The following DSCAML1 variants were observed in gnomAD, a reference collection of about 807,000 sequenced individuals.
DSCAML1 encodes DS cell adhesion molecule like 1.
A neutral mutation model predicts 200.5 loss-of-function variants in DSCAML1; 38 were observed. The observed-to-expected ratio is 0.19, with a 90% CI of 0.15 to 0.25. The LOEUF (loss-of-function observed/expected upper bound fraction) is 0.25, where lower values mean the gene tolerates loss of function less well. Among genes scored for constraint, DSCAML1 ranks in the 10% least tolerant of loss-of-function variants. The probability of loss-of-function intolerance (pLI) is 1.00; values close to 1 mark genes in which losing one functional copy is unlikely to be tolerated. For synonymous variants in DSCAML1, 1,215 were observed against 1,165.0 expected, an observed-to-expected ratio of 1.04 and a Z score of -0.87; for missense variants, 2,223 against 2,858.8, an observed-to-expected ratio of 0.78 and a Z score of 5.07.
chr11:117,507,177 G>T (rs1433028964), intron 8 of DSCAML1, among the ~76,000 whole-genome samples: 1 of 150,090 alleles, frequency 6.7e-6, no homozygotes, highest in Non-Finnish European at 1.5e-5. Flanking sequence ...GAAGGAGATA[G>T]ACAATTAGCT....
chr11:117,764,449 T>G (rs1347999380), intron 3 of DSCAML1, among the ~76,000 whole-genome samples: 1 of 152,168 alleles, frequency 6.6e-6, no homozygotes, highest in Non-Finnish European at 1.5e-5. Context: ...TCCCTTGAGA[T>G]CCTCAAGCAG....
intron 20 of DSCAML1, among the ~76,000 whole-genome samples, chr11:117,448,352 G>A (rs2048220335): frequency 6.6e-6 from 1 of 152,154 alleles, no homozygotes; most frequent in Non-Finnish European, 1.5e-5. Flanking sequence ...TTCATTCTTC[G>A]AATGTGTATT....
chr11:117,730,125 G>A (rs936936118), intron 3 of DSCAML1, among the ~76,000 whole-genome samples: 1 of 152,148 alleles, frequency 6.6e-6, no homozygotes, highest in African/African-American at 2.4e-5. Flanking sequence ...TTTGAACCCA[G>A]GAGGCAGAGG....
chr11:117,647,741 G>A (rs2052545987), intron 3 of DSCAML1, among the ~76,000 whole-genome samples: 1 of 152,186 alleles, frequency 6.6e-6, no homozygotes, highest in Non-Finnish European at 1.5e-5. Flanking sequence ...ACAACACAAA[G>A]AGAAGATACA....
intron 1 of DSCAML1, 79 bp downstream of exon 1, chr11:117,796,955 C>G: frequency 8.9e-7 from 1 of 1,118,630 alleles, no homozygotes; most frequent in Non-Finnish European, 1.1e-6. Context: ...CTGGAGCCCG[C>G]CGGGCACCCC....
At chr11:117,468,430 T>C (rs1468572255) in intron 16 of DSCAML1, among the ~76,000 whole-genome samples, 1 of 152,226 alleles carries the variant, frequency 6.6e-6, no homozygotes, top group Non-Finnish European at 1.5e-5. Context: ...AATCTGATTC[T>C]AAATTTTTAT....
chr11:117,504,782 C>T lies in DSCAML1; in HGVS notation c.2182+142G>A, dbSNP rs2137276518. The T allele has an allele frequency of 8.3e-7, 1 of 1,209,694 alleles. No homozygotes were observed. The highest frequency in any genetic ancestry group is 1.1e-6 in the Non-Finnish European group (1 of 923,448). 74.9% of individuals were successfully genotyped at this position (1,209,694 alleles called of 1,614,324 possible). On this transcript the variant is annotated intron_variant, in intron 10 of 32. Transcript: ENST00000651296. This position sits in a 1 kb window ranked among gnomAD's most constrained non-coding sequence, Gnocchi z 5.0. ...AGGATGACTCCAGGTGAGGTGTAGC[C>T]TGGGGTCCACTGGGGTGCAGACCAG...
In DSCAML1 at chr11:117,780,944, A is replaced by G; in HGVS notation, c.47-134T>C. On this transcript the variant is annotated intron_variant, in intron 1 of 32. Transcript: ENST00000651296. The surrounding 1 kb of genome is among the most constrained non-coding windows in gnomAD (Gnocchi z 4.8). ...TCAGTCATTCAGTATGCACTTATTG[A>G]GCACTGACTATACACCAGGCACTGG... 1 of 620,152 alleles carries G rather than the reference A, an allele frequency of 1.6e-6. No homozygotes were observed. Among genetic ancestry groups the G allele is most frequent in the South Asian group, 4.3e-5 (1 of 23,466 alleles). The allele number at this position is 620,152 out of a possible 1,614,324, so 38.4% of individuals were successfully genotyped here.
chr11:117,434,389 T>C lies in DSCAML1; in HGVS notation c.4877-918A>G, dbSNP rs116315125. Among the ~76,000 whole-genome samples, 1,133 of 152,278 alleles carry C rather than the reference T, an allele frequency of 7.4e-3. 7 individuals carry two copies. The highest frequency in any genetic ancestry group is 0.026 in the African/African-American group (1,093 of 41,544). ...AACATCCATTCAATCATTCTTATATTTATATGTTAAACCTTACATCCAACC... is the reference window on the plus strand; with the variant it reads ...AACATCCATTCAATCATTCTTATATCTATATGTTAAACCTTACATCCAACC... On this transcript the variant is annotated intron_variant, in intron 27 of 32. Transcript: ENST00000651296.
At chr11:117,814,427 C>T (rs1337864306) in intron 1 of DSCAML1, among the ~76,000 whole-genome samples, 3 of 152,234 alleles carry the variant, frequency 2.0e-5, no homozygotes, top group Admixed American at 6.5e-5. Flanking sequence ...GAAGGGATCA[C>T]GCACACCTCT....
At chr11:117,528,935 C>A (rs916420179) in intron 4 of DSCAML1, among the ~76,000 whole-genome samples, 4 of 151,112 alleles carry the variant, frequency 2.6e-5, no homozygotes, top group African/African-American at 7.3e-5. Flanking sequence ...GCCCCCCGCC[C>A]CCCCCCTTGG....
chr11:117,776,849 T>C lies in DSCAML1; in HGVS notation c.453A>G (p.Ser151=), dbSNP rs368237657. The C allele has an allele frequency of 1.9e-6, 3 of 1,614,164 alleles. No individual in the cohort carries two copies. The highest frequency in any genetic ancestry group is 2.7e-5 in the African/African-American group (2 of 75,044). Residue 151 remains serine, a synonymous_variant, in exon 3 of 33, where the codon TCA becomes TCG. Transcript: ENST00000651296. ...ATACAACGCTAACATATTCCTGCAC[T>C]GAAGAGGGGATGAGGCACTTGAAGA... ...VAVFKCLIPS[S]VQEYVSVVSW...
upstream of DSCAML1, among the ~76,000 whole-genome samples, chr11:117,798,329 T>G (rs894910728): frequency 6.6e-6 from 1 of 152,128 alleles, no homozygotes; most frequent in African/African-American, 2.4e-5. Flanking sequence ...GGAAGAAAAT[T>G]TACTTCCTCG....
At chr11:117,720,713 C>A (rs2054028700) in intron 3 of DSCAML1, among the ~76,000 whole-genome samples, 1 of 152,206 alleles carries the variant, frequency 6.6e-6, no homozygotes, top group South Asian at 2.1e-4. Flanking sequence ...ATTCCAGTTT[C>A]CTCATCTGTA....
chr11:117,615,643 G>A (rs925797199), intron 3 of DSCAML1, among the ~76,000 whole-genome samples: 2 of 152,076 alleles, frequency 1.3e-5, no homozygotes, highest in African/African-American at 4.8e-5. Flanking sequence ...ATGGCCGGTT[G>A]TACCAGATTG....
At chr11:117,814,880 G>A (rs887473557) in intron 1 of DSCAML1, among the ~76,000 whole-genome samples, 3 of 152,226 alleles carry the variant, frequency 2.0e-5, no homozygotes, top group Non-Finnish European at 1.5e-5. Flanking sequence ...TGTGTTGGGA[G>A]CATATGGTCC....
chr11:117,796,708 G>C (rs982049190), intron 1 of DSCAML1, among the ~76,000 whole-genome samples: 2 of 152,348 alleles, frequency 1.3e-5, no homozygotes, highest in Non-Finnish European at 2.9e-5. Flanking sequence ...CCACCAAGCC[G>C]CAGGAAGAGG....
rs576016966 is a variant in DSCAML1 at position 117,612,283 on chromosome 11, C to A, written c.512-79761G>T. On this transcript the variant is annotated intron_variant, in intron 3 of 32. Transcript: ENST00000651296. The stretch of plus-strand genomic sequence containing the variant: ...TTCCCCACCGCCTCCCTGTAGCCTG[C>A]CAACCTTCAGACTGCATTATTCCCA... Among the ~76,000 whole-genome samples, 8 of 152,326 alleles carry A rather than the reference C, an allele frequency of 5.3e-5. No individual in the cohort carries two copies. In the South Asian group the frequency reaches 1.5e-3, roughly 28 times the overall value.
At chr11:117,663,942 C>G (rs951597133) in intron 3 of DSCAML1, among the ~76,000 whole-genome samples, 2 of 152,226 alleles carry the variant, frequency 1.3e-5, no homozygotes, top group African/African-American at 2.4e-5. Flanking sequence ...CCAGTGTTTC[C>G]GCTGAGCTGT....
Sources: allele counts gnomAD v4.1 joint callset (sites outside exome capture counted in the v4.1 genomes callset), GRCh38; gene constraint gnomAD v4.1.1; non-coding constraint Gnocchi (gnomAD v3.1); transcripts MANE v1.5; gene names NCBI Gene and HGNC (gene_info 2026-07-23, HGNC 2026-07-21).